Variants in CHD1L observed in about 807,000 individuals in gnomAD.
CHD1L encodes ATP-dependent chromatin remodeler CHD1L.
A neutral mutation model predicts 115.9 loss-of-function variants in CHD1L; 118 were observed. That is an observed-to-expected ratio of 1.02 (90% CI 0.88 to 1.19). CHD1L has a LOEUF of 1.19. Among genes scored for constraint, CHD1L ranks in the 50% most tolerant of loss-of-function variants. The probability of loss-of-function intolerance (pLI) is 0.00; values close to 1 mark genes in which losing one functional copy is unlikely to be tolerated. For missense variants in CHD1L, 1,179 were observed against 1,065.3 expected (o/e 1.11, Z -1.49); for synonymous variants, 411 against 387.1 (o/e 1.06, Z -0.72).
intron 17 of CHD1L, 30 bp from the exon 18 acceptor site, chr1:147,286,268 T>C: frequency 6.2e-7 from 1 of 1,604,242 alleles, no homozygotes. Context: ...TTGTCTGGGT[T>C]AATTTCCTTT....
Position 147,254,892 on chromosome 1 carries a change from T to G in CHD1L, c.263T>G (p.Leu88Trp), listed in dbSNP as rs781953321. 4.9e-5 allele frequency: 78 copies of G among 1,606,000 alleles called. No homozygotes were observed. In the Middle Eastern group the frequency reaches 5.0e-4, roughly 10 times the overall value. Residue 88 changes from leucine (L) to tryptophan (W), a missense_variant, in exon 3 of 23, where the codon TTG becomes TGG. Leu to Trp is a moderately conservative substitution (Grantham distance 61). Coordinates refer to ENST00000369258, the MANE Select transcript of CHD1L (RefSeq NM_004284.6). Reference protein sequence around the residue: ...TCQTIALFIYLAGRLNDEGPF... With the variant: ...TCQTIALFIYWAGRLNDEGPF... The stretch of plus-strand genomic sequence containing the variant: ...CAGACTATTGCTCTCTTCATTTATT[T>G]GGCAGGAAGATTAAATGATGAAGGG...
Position 147,274,577 on chromosome 1 carries a change from T to C in CHD1L, c.1271-777T>C, listed in dbSNP as rs148729003. On this transcript the variant is annotated intron_variant, in intron 12 of 22. Transcript: ENST00000369258. ...GAGGGAGTCTGTTTTGTACTTGTTT[T>C]CACATTAATCAAAGAGAAGGCTGCA... Among the ~76,000 whole-genome samples, 15 of 152,236 alleles carry C rather than the reference T, an allele frequency of 9.9e-5. No individual in the cohort carries two copies. The East Asian group carries it at 2.9e-3, about 29-fold the overall frequency.
chr1:147,288,818 A>C (rs782078828), intron 19 of CHD1L, among the ~76,000 whole-genome samples: 2 of 152,168 alleles, frequency 1.3e-5, no homozygotes, highest in Non-Finnish European at 2.9e-5. Flanking sequence ...ACAGAAATAA[A>C]GCTGTTGGGT....
chr1:147,294,295 T>C, intron 21 of CHD1L, 114 bp from the exon 22 acceptor site: 1 of 597,494 alleles, frequency 1.7e-6, no homozygotes, highest in Non-Finnish European at 2.7e-6. Context: ...ATTTTTGACA[T>C]TATAATTATG....
chr1:147,272,126 A>T, intron 11 of CHD1L, 45 bp from the exon 12 acceptor site: 1 of 1,513,786 alleles, frequency 6.6e-7, no homozygotes, highest in African/African-American at 1.4e-5. Flanking sequence ...CCCAAAGACT[A>T]CTTGAAAAGG....
At chr1:147,264,710 C>A (rs1244102928) in intron 7 of CHD1L, 126 bp downstream of exon 7, 3 of 907,432 alleles carry the variant, frequency 3.3e-6, no homozygotes, top group African/African-American at 1.7e-5. Context: ...GGAGACAGAC[C>A]GCTGATATTA....
intron 18 of CHD1L, among the ~76,000 whole-genome samples, chr1:147,286,911 G>A (rs1354576709): frequency 6.6e-6 from 1 of 152,082 alleles, no homozygotes; most frequent in Non-Finnish European, 1.5e-5. Context: ...CACATCAAGT[G>A]TTGTTCAAAT....
At chr1:147,183,489 G>T in the CHD1L span, among the ~76,000 whole-genome samples, 1 of 152,096 alleles carries the variant, frequency 6.6e-6, no homozygotes, top group Non-Finnish European at 1.5e-5. Context: ...GTATTCCTTC[G>T]AGGAGTTTAC....
chr1:147,179,023 C>T, the CHD1L span: 23 of 1,613,338 alleles, frequency 1.4e-5, no homozygotes, highest in Middle Eastern at 1.6e-4. Flanking sequence ...TGTAGCTAGC[C>T]GCAAAACCTT....
chr1:147,193,843 C>A, the CHD1L span, among the ~76,000 whole-genome samples: 34 of 152,072 alleles, frequency 2.2e-4, no homozygotes. Context: ...GTCCTGAGTT[C>A]TAGTTTCATT....
the CHD1L span, among the ~76,000 whole-genome samples, chr1:147,181,251 T>C: frequency 6.6e-6 from 1 of 152,326 alleles, no homozygotes; most frequent in African/African-American, 2.4e-5. Flanking sequence ...ACTTGGATTT[T>C]GGGAGGTTTC....
the CHD1L span, among the ~76,000 whole-genome samples, chr1:147,194,607 A>G: frequency 1.3e-5 from 2 of 152,082 alleles, no homozygotes; most frequent in African/African-American, 2.4e-5. Flanking sequence ...TAGCCTTGAC[A>G]GTCTTTACAT....
intron 5 of CHD1L, 132 bp downstream of exon 5, chr1:147,256,694 C>T (rs1030286725): frequency 2.1e-5 from 17 of 800,780 alleles, no homozygotes; most frequent in African/African-American, 1.4e-4. Context: ...TATGGGTAGG[C>T]GGCATGGTGG....
chr1:147,250,239 TTGA>T (rs1667989526), intron 1 of CHD1L, among the ~76,000 whole-genome samples: 1 of 152,186 alleles, frequency 6.6e-6, no homozygotes, highest in Admixed American at 6.5e-5. Flanking sequence ...TTGGCACCTA[TTGA>T]TTATCTTTTT....
chr1:147,223,176 A>G, the CHD1L span, among the ~76,000 whole-genome samples: 1 of 152,218 alleles, frequency 6.6e-6, no homozygotes, highest in Non-Finnish European at 1.5e-5. Flanking sequence ...CTAAGACTGC[A>G]TTCTTAACCT....
At chr1:147,179,039 A>G in the CHD1L span, 3 of 1,613,830 alleles carry the variant, frequency 1.9e-6, no homozygotes, top group Non-Finnish European at 2.5e-6. Context: ...ACCTTTAGCC[A>G]TGAACTTTCT....
chr1:147,249,051 C>T (rs1176621997), intron 1 of CHD1L, among the ~76,000 whole-genome samples: 1 of 152,164 alleles, frequency 6.6e-6, no homozygotes, highest in African/African-American at 2.4e-5. Flanking sequence ...TTCCAAGGTT[C>T]CATCTTTTAT....
Position 147,293,635 on chromosome 1 carries a change from G to A in CHD1L, c.2419G>A (p.Asp807Asn). ...GGCCTTGATTGTGGCTCAGCATCGTGATCGTTCCAATGTCCTGTCTGGCAT... is the reference window on the plus strand; with the variant it reads ...GGCCTTGATTGTGGCTCAGCATCGTAATCGTTCCAATGTCCTGTCTGGCAT... ...LLALIVAQHR[D>N]RSNVLSGIKM... The change falls in exon 21 of 23, where the codon GAT becomes AAT. Residue 807 changes from aspartate to asparagine, a missense_variant. Physicochemically the swap from Asp to Asn is conservative, Grantham distance 23. Transcript: ENST00000369258. The A allele has an allele frequency of 6.2e-7, 1 of 1,614,098 alleles. No individual in the cohort carries two copies. Among genetic ancestry groups the A allele is most frequent in the Non-Finnish European group, 8.5e-7 (1 of 1,180,018 alleles).
At chr1:147,208,686 G>A in the CHD1L span, 6 of 544,212 alleles carry the variant, frequency 1.1e-5, no homozygotes, top group Middle Eastern at 8.9e-4. Flanking sequence ...TGATCCACCC[G>A]CCTCCGCCTC....
Sources: allele counts gnomAD v4.1 joint callset (sites outside exome capture counted in the v4.1 genomes callset), GRCh38; gene constraint gnomAD v4.1.1; transcripts MANE v1.5; gene names NCBI Gene and HGNC (gene_info 2026-07-23, HGNC 2026-07-21).